The following PARP15 variants were observed in gnomAD, a reference collection of about 807,000 sequenced individuals.
PARP15 encodes the protein poly(ADP-ribose) polymerase family member 15.
In PARP15, 50 loss-of-function variants were observed where a neutral mutation model predicts 62.1. That is an observed-to-expected ratio of 0.81 (90% confidence interval 0.64 to 1.02). The LOEUF (loss-of-function observed/expected upper bound fraction) is 1.02. Ranked by LOEUF, PARP15 falls within the 50% of genes least tolerant of loss-of-function variation. PARP15 has a pLI of 0.00. For synonymous variants in PARP15, 309 were observed against 293.1 expected, an observed-to-expected ratio of 1.05 and a Z score of -0.55; for missense variants, 820 against 826.5, an observed-to-expected ratio of 0.99 and a Z score of 0.10.
At chr3:122,583,114 C>CTTTTTTTTTTTTTTTTTTT (rs67942585) in intron 1 of PARP15, among the ~76,000 whole-genome samples, 1 of 83,444 alleles carries the variant, frequency 1.2e-5, no homozygotes, top group Non-Finnish European at 2.2e-5. Flanking sequence ...TCATCTGTAT[C>CTTTTTTTTTTTTTTTTTTT]TTTTTTTTTT....
intron 10 of PARP15, among the ~76,000 whole-genome samples, chr3:122,632,772 T>G (rs1342535034): frequency 2.0e-5 from 3 of 152,222 alleles, no homozygotes; most frequent in Admixed American, 2.0e-4. Context: ...AATACCTTGT[T>G]CTGGTTGGCT....
intron 4 of PARP15, among the ~76,000 whole-genome samples, chr3:122,613,814 CTTTTTTTTTTTT>C (rs747039553): frequency 1.1e-5 from 1 of 90,738 alleles, no homozygotes; most frequent in Admixed American, 1.5e-4. Context: ...TGAATCTCAG[CTTTTTTTTTTTT>C]TTTTTTTTTT....
chr3:122,599,920 G>A (rs1367217721), intron 1 of PARP15, among the ~76,000 whole-genome samples: 1 of 152,166 alleles, frequency 6.6e-6, no homozygotes, highest in Non-Finnish European at 1.5e-5. Flanking sequence ...TCATTGTTAA[G>A]ATTAAATTAA....
intron 7 of PARP15, 57 bp from the exon 8 acceptor site, chr3:122,621,387 A>T: frequency 6.6e-7 from 1 of 1,515,550 alleles, no homozygotes; most frequent in Non-Finnish European, 8.9e-7. Context: ...CAAAAATCAA[A>T]GTGTTGCCTC....
Position 122,615,832 on chromosome 3 carries a change from G to A in PARP15, c.825G>A (p.Arg275=), listed in dbSNP as rs1243113656. Residue 275 remains arginine, a synonymous_variant, in exon 5 of 12, where the codon AGG becomes AGA. Coordinates refer to ENST00000464300, the MANE Select transcript of PARP15 (RefSeq NM_001113523.3). ...CAAGAATAAATCCCAACAAGGCCAG[G>A]ATTCCCATGGCAGGAGATACCCAAG... ...NWSRINPNKA[R]IPMAGDTQGV... 3 of 1,613,470 alleles carry A rather than the reference G, an allele frequency of 1.9e-6. No individual in the cohort carries two copies. Among genetic ancestry groups the A allele is most frequent in the Non-Finnish European group, 2.5e-6 (3 of 1,179,678 alleles).
intron 1 of PARP15, among the ~76,000 whole-genome samples, chr3:122,578,502 A>G (rs1179466201): frequency 6.6e-6 from 1 of 152,166 alleles, no homozygotes; most frequent in Admixed American, 6.5e-5. Context: ...TCACTGTCCC[A>G]GTAACTTGAG....
intron 7 of PARP15, among the ~76,000 whole-genome samples, chr3:122,620,843 C>T (rs879477777): frequency 1.3e-4 from 20 of 151,936 alleles, no homozygotes; most frequent in South Asian, 4.1e-4. Context: ...TTTTGCTGGC[C>T]CCAGCCTTAC....
intron 9 of PARP15, among the ~76,000 whole-genome samples, chr3:122,631,404 G>A (rs757214632): frequency 6.6e-6 from 1 of 152,172 alleles, no homozygotes; most frequent in Non-Finnish European, 1.5e-5. Context: ...GCAAATTGTG[G>A]CTTTGTTTGT....
At chr3:122,628,222 T>G (rs758005055) in intron 9 of PARP15, among the ~76,000 whole-genome samples, 3 of 152,176 alleles carry the variant, frequency 2.0e-5, no homozygotes, top group Non-Finnish European at 2.9e-5. Flanking sequence ...GGAACAGAGC[T>G]CTTTTAAGCG....
intron 1 of PARP15, among the ~76,000 whole-genome samples, chr3:122,589,708 G>T (rs971869247): frequency 2.6e-5 from 4 of 151,802 alleles, no homozygotes; most frequent in Admixed American, 2.6e-4. Context: ...ATCCTTTGTT[G>T]GTTTTTAAAT....
chr3:122,622,567 C>T (rs1047007327), intron 8 of PARP15, among the ~76,000 whole-genome samples: 1 of 152,206 alleles, frequency 6.6e-6, no homozygotes, highest in African/African-American at 2.4e-5. Context: ...TCCCAGCCGG[C>T]TCCTCATTTG....
At position 122,617,094 on chromosome 3, in the gene PARP15, T is replaced by C; in HGVS notation, c.930T>C (p.Thr310=). 2 of 1,614,146 alleles carry C rather than the reference T, an allele frequency of 1.2e-6. No individual in the cohort carries two copies. Among genetic ancestry groups the C allele is most frequent in the Non-Finnish European group, 1.7e-6 (2 of 1,179,962 alleles). The change falls in exon 6 of 12, where the codon ACT becomes ACC. Residue 310 remains threonine (T), a synonymous_variant. Coordinates refer to ENST00000464300, the MANE Select transcript of PARP15 (RefSeq NM_001113523.3). ...KIGAITFQVA[T]GDIATEQVDV... ...GTGCAATTACTTTTCAGGTTGCTAC[T>C]GGAGATATAGCCACTGAACAGGTAG...
At chr3:122,579,978 G>A (rs1297400535) in intron 1 of PARP15, among the ~76,000 whole-genome samples, 1 of 120,576 alleles carries the variant, frequency 8.3e-6, no homozygotes, top group East Asian at 2.6e-4. Context: ...GACTCTGTCT[G>A]AACAACAACA....
At chr3:122,626,723 G>C in intron 8 of PARP15, 104 bp from the exon 9 acceptor site, 1 of 1,001,102 alleles carries the variant, frequency 1.0e-6, no homozygotes, top group Non-Finnish European at 1.5e-6. Context: ...ATTCCTGGCT[G>C]TGAGGGGCTT....
chr3:122,593,053 C>CAT (rs10655847), intron 1 of PARP15, among the ~76,000 whole-genome samples: 12,273 of 150,870 alleles, frequency 0.081, 1,615 homozygotes, highest in African/African-American at 0.28. Context: ...TCACCTTGAA[C>CAT]ATATATATAT....
At chr3:122,614,096 C>T (rs1165442700) in intron 4 of PARP15, among the ~76,000 whole-genome samples, 4 of 152,114 alleles carry the variant, frequency 2.6e-5, no homozygotes. Context: ...CCTCAGCCTC[C>T]CAAAGTGCTG....
intron 1 of PARP15, among the ~76,000 whole-genome samples, chr3:122,599,459 TTCTC>T (rs1462217029): frequency 2.0e-5 from 3 of 152,036 alleles, no homozygotes; most frequent in African/African-American, 7.2e-5. Flanking sequence ...TACTTTCTGA[TTCTC>T]TCTCTCTCCC....
At chr3:122,603,952 GT>G (rs1934988255) in intron 1 of PARP15, among the ~76,000 whole-genome samples, 1 of 152,224 alleles carries the variant, frequency 6.6e-6, no homozygotes, top group African/African-American at 2.4e-5. Flanking sequence ...AATGATAATT[GT>G]TGCCTGGAGC....
chr3:122,605,817 A>G, intron 1 of PARP15, 119 bp from the exon 2 acceptor site: 1 of 1,004,076 alleles, frequency 1.0e-6, no homozygotes, highest in Non-Finnish European at 1.4e-6. Context: ...CCTGGGCTCA[A>G]GTGATTCTCC....
Sources: allele counts gnomAD v4.1 joint callset (sites outside exome capture counted in the v4.1 genomes callset), GRCh38; gene constraint gnomAD v4.1.1; transcripts MANE v1.5; gene names NCBI Gene and HGNC (gene_info 2026-07-23, HGNC 2026-07-21).